Variants in TPTE observed in about 807,000 individuals in gnomAD.
The protein encoded by TPTE is transmembrane phosphatase with tensin homology.
TPTE carries 59 observed loss-of-function variants against 84.1 expected under a neutral mutation model. That is an observed-to-expected ratio of 0.70 (90% CI 0.57 to 0.87). The LOEUF (loss-of-function observed/expected upper bound fraction) is 0.87. Ranked by LOEUF, TPTE falls within the 40% of genes least tolerant of loss-of-function variation. The pLI is 0.00. For synonymous variants in TPTE, 130 were observed against 223.5 expected (o/e 0.58, Z 3.73); for missense variants, 382 against 659.6 (o/e 0.58, Z 4.61).
intron 10 of TPTE, among the ~76,000 whole-genome samples, chr21:10,565,166 T>C (rs2074895896): frequency 6.6e-6 from 1 of 152,308 alleles, no homozygotes; most frequent in African/African-American, 2.4e-5. Context: ...AGTTGCAGGA[T>C]ACAAAATCAA....
chr21:10,600,350 G>A (rs2075666135), intron 21 of TPTE, among the ~76,000 whole-genome samples: 1 of 152,310 alleles, frequency 6.6e-6, no homozygotes, highest in Admixed American at 6.5e-5. Flanking sequence ...TGTTGGTCAG[G>A]CTGGTCTCAA....
At chr21:10,581,649 T>C (rs1386826559) in intron 17 of TPTE, among the ~76,000 whole-genome samples, 1 of 152,310 alleles carries the variant, frequency 6.6e-6, no homozygotes, top group Non-Finnish European at 1.5e-5. Context: ...TGGATGCCAA[T>C]TTTTCTTAGT....
chr21:10,588,608 G>A lies in TPTE; in HGVS notation c.1028-1854G>A, dbSNP rs371480377. 1.4e-4 allele frequency among the ~76,000 whole-genome samples: 22 copies of A among 152,374 alleles called. No individual in the cohort carries two copies. The East Asian group carries it at 4.3e-3, about 30-fold the overall frequency. On this transcript the variant is annotated intron_variant, in intron 17 of 23. Transcript: ENST00000618007. ...TTATTCCATCAAATATGTTTTCCAG[G>A]CTGTTTTCTTTTTCTCTTTCTCTCT...
chr21:10,545,136 A>G (rs2074441200), intron 7 of TPTE, among the ~76,000 whole-genome samples: 1 of 152,308 alleles, frequency 6.6e-6, no homozygotes, highest in Admixed American at 6.5e-5. Flanking sequence ...TTTAGCTATT[A>G]CCTCATTGAA....
intron 23 of TPTE, among the ~76,000 whole-genome samples, chr21:10,605,114 A>G (rs1378155227): frequency 2.6e-5 from 4 of 152,304 alleles, no homozygotes; most frequent in Admixed American, 2.6e-4. Flanking sequence ...ATTCATGTCT[A>G]TCCTGACTGA....
At chr21:10,555,828 C>G (rs1390226614) in intron 8 of TPTE, among the ~76,000 whole-genome samples, 3 of 152,306 alleles carry the variant, frequency 2.0e-5, no homozygotes, top group Non-Finnish European at 4.4e-5. Context: ...GTTTAGAAAA[C>G]ATAATTATAC....
intron 3 of TPTE, among the ~76,000 whole-genome samples, chr21:10,533,676 G>C (rs541457627): frequency 1.1e-3 from 171 of 152,338 alleles, no homozygotes; most frequent in African/African-American, 3.9e-3. Context: ...CTGAAATCTA[G>C]GACGTAAGCT....
intron 1 of TPTE, among the ~76,000 whole-genome samples, chr21:10,523,149 AATCCTCTC>A: frequency 6.6e-6 from 1 of 152,304 alleles, no homozygotes; most frequent in Non-Finnish European, 1.5e-5. Context: ...AGTAAATAAT[AATCCTCTC>A]CATTACATAC....
chr21:10,522,993 A>G (rs1227544852), intron 1 of TPTE, among the ~76,000 whole-genome samples: 3 of 152,310 alleles, frequency 2.0e-5, no homozygotes, highest in African/African-American at 4.8e-5. Context: ...CCCAAGTCCT[A>G]TCAACCTTGT....
chr21:10,546,776 C>G (rs576493028), intron 7 of TPTE, among the ~76,000 whole-genome samples: 121 of 152,370 alleles, frequency 7.9e-4, no homozygotes, highest in Admixed American at 1.6e-3. Context: ...TCAGTGAAGC[C>G]TGGGAGAGGT....
At chr21:10,526,214 C>T (rs1399019553) in intron 2 of TPTE, among the ~76,000 whole-genome samples, 3 of 152,310 alleles carry the variant, frequency 2.0e-5, no homozygotes, top group African/African-American at 7.2e-5. Flanking sequence ...GACATGAGAA[C>T]ACCCACTTAG....
chr21:10,595,892 C>T, intron 19 of TPTE, 90 bp from the exon 20 acceptor site: 2 of 1,499,288 alleles, frequency 1.3e-6, no homozygotes, highest in South Asian at 1.2e-5. Flanking sequence ...TACTTACCTC[C>T]ATTAACAAGC....
intron 2 of TPTE, among the ~76,000 whole-genome samples, chr21:10,527,133 C>CCTCT (rs59412977): frequency 3.2e-3 from 477 of 148,386 alleles, no homozygotes; most frequent in East Asian, 6.8e-3. Flanking sequence ...TTCTGTGTCC[C>CCTCT]CTCTCTCTCT....
At chr21:10,570,041 C>T (rs1284892124) in intron 13 of TPTE, among the ~76,000 whole-genome samples, 1 of 152,424 alleles carries the variant, frequency 6.6e-6, no homozygotes, top group African/African-American at 2.4e-5. Context: ...CCAGGGATCC[C>T]ATGGAGACCT....
At chr21:10,579,091 A>C (rs2075222281) in intron 17 of TPTE, among the ~76,000 whole-genome samples, 1 of 152,312 alleles carries the variant, frequency 6.6e-6, no homozygotes, top group Admixed American at 6.5e-5. Context: ...TACTCCACAT[A>C]TTTTTGTGTG....
At chr21:10,526,728 T>C (rs2074085407) in intron 2 of TPTE, among the ~76,000 whole-genome samples, 1 of 152,310 alleles carries the variant, frequency 6.6e-6, no homozygotes. Context: ...TGGCATAATA[T>C]ATGGTGTAGA....
At chr21:10,553,954 AAAT>A (rs1213148545) in intron 8 of TPTE, among the ~76,000 whole-genome samples, 1 of 152,312 alleles carries the variant, frequency 6.6e-6, no homozygotes, top group Non-Finnish European at 1.5e-5. Flanking sequence ...TAAAAACTAA[AAAT>A]AATGTAAGAG....
chr21:10,548,271 CCA>C (rs2074507410), intron 7 of TPTE, among the ~76,000 whole-genome samples: 1 of 152,308 alleles, frequency 6.6e-6, no homozygotes, highest in African/African-American at 2.4e-5. Flanking sequence ...TTAGGCCACC[CCA>C]CACAGAAACA....
intron 17 of TPTE, among the ~76,000 whole-genome samples, chr21:10,588,558 G>T (rs1414856502): frequency 2.0e-5 from 3 of 152,308 alleles, no homozygotes; most frequent in Non-Finnish European, 2.9e-5. Flanking sequence ...TGTCTATCTA[G>T]CAAGATTCAA....
Sources: gnomAD v4.1 joint callset for allele counts (sites outside exome capture counted in the v4.1 genomes callset) on GRCh38, gnomAD v4.1.1 for gene constraint, MANE v1.5 for transcripts, NCBI Gene and HGNC (gene_info 2026-07-23, HGNC 2026-07-21) for gene names.